The following KLHL1 variants were observed in gnomAD, a reference collection of about 807,000 sequenced individuals.
The protein encoded by KLHL1 is kelch-like protein 1.
KLHL1 carries 47 observed loss-of-function variants against 77.7 expected under a neutral mutation model. The observed-to-expected ratio is 0.60, with a 90% confidence interval of 0.48 to 0.77. The LOEUF (loss-of-function observed/expected upper bound fraction) is 0.77. Among genes scored for constraint, KLHL1 ranks in the 30% least tolerant of loss-of-function variants. The probability of loss-of-function intolerance (pLI) is 0.00; values close to 1 mark genes in which losing one functional copy is unlikely to be tolerated. For missense variants in KLHL1, 925 were observed against 910.8 expected (o/e 1.02, Z -0.20); for synonymous variants, 360 against 325.2 (o/e 1.11, Z -1.15).
chr13:69,864,290 A>T (rs944637117), intron 5 of KLHL1, among the ~76,000 whole-genome samples: 3 of 151,912 alleles, frequency 2.0e-5, no homozygotes, highest in African/African-American at 7.2e-5. Context: ...AAATACATTA[A>T]ATTAAAATAT....
At chr13:69,866,484 G>T (rs1373109535) in intron 5 of KLHL1, among the ~76,000 whole-genome samples, 1 of 152,056 alleles carries the variant, frequency 6.6e-6, no homozygotes, top group South Asian at 2.1e-4. Flanking sequence ...AAATCATCTA[G>T]AACAGTGATT....
chr13:69,947,181 A>G (rs1278848700), intron 3 of KLHL1, among the ~76,000 whole-genome samples: 4 of 151,614 alleles, frequency 2.6e-5, no homozygotes, highest in African/African-American at 7.3e-5. Context: ...CTCTTCCTTT[A>G]AGCTCTTTCA....
At chr13:70,079,165 C>T (rs925623856) in intron 1 of KLHL1, among the ~76,000 whole-genome samples, 5 of 152,242 alleles carry the variant, frequency 3.3e-5, no homozygotes, top group East Asian at 3.9e-4. Flanking sequence ...AGACCTGGGC[C>T]AAGGTAGGTT....
intron 8 of KLHL1, among the ~76,000 whole-genome samples, chr13:69,721,737 G>T (rs904385390): frequency 1.3e-5 from 2 of 151,908 alleles, no homozygotes; most frequent in Non-Finnish European, 2.9e-5. Flanking sequence ...TTCTCATAAT[G>T]GCTGCCATAG....
intron 10 of KLHL1, among the ~76,000 whole-genome samples, chr13:69,706,839 T>C (rs1053632206): frequency 4.0e-5 from 6 of 151,760 alleles, no homozygotes; most frequent in African/African-American, 1.5e-4. Flanking sequence ...TAAGATGTTT[T>C]TCACTGTAAT....
chr13:69,859,295 C>A (rs1880045381), intron 5 of KLHL1, among the ~76,000 whole-genome samples: 1 of 148,244 alleles, frequency 6.7e-6, no homozygotes, highest in Non-Finnish European at 1.5e-5. Context: ...CCTTTGGAGA[C>A]TAAACTTTCT....
chr13:69,729,218 G>T (rs763932472), intron 8 of KLHL1, among the ~76,000 whole-genome samples: 9 of 152,074 alleles, frequency 5.9e-5, no homozygotes. Context: ...GTCTGGCTGT[G>T]CTGGCATATA....
chr13:69,718,560 C>T (rs1320655056), intron 9 of KLHL1, among the ~76,000 whole-genome samples: 1 of 151,980 alleles, frequency 6.6e-6, no homozygotes, highest in Non-Finnish European at 1.5e-5. Context: ...AACCAATTGA[C>T]CTAAATATTC....
intron 5 of KLHL1, among the ~76,000 whole-genome samples, chr13:69,863,086 A>G (rs781498644): frequency 3.9e-4 from 59 of 152,114 alleles, no homozygotes; most frequent in Non-Finnish European, 5.7e-4. Context: ...AAATGTTTTT[A>G]TTCCACTCTA....
intron 1 of KLHL1, among the ~76,000 whole-genome samples, chr13:70,056,466 A>G (rs1163988404): frequency 6.6e-6 from 1 of 152,158 alleles, no homozygotes; most frequent in Non-Finnish European, 1.5e-5. Flanking sequence ...ATCAAACTTA[A>G]TCTGCATTAT....
chr13:69,770,702 C>T (rs1370530337), intron 7 of KLHL1, among the ~76,000 whole-genome samples: 1 of 152,036 alleles, frequency 6.6e-6, no homozygotes, highest in Non-Finnish European at 1.5e-5. Context: ...TAATAAATAT[C>T]TCTGCTCTAC....
intron 4 of KLHL1, among the ~76,000 whole-genome samples, chr13:69,900,884 C>A (rs1032331587): frequency 6.6e-6 from 1 of 152,124 alleles, no homozygotes; most frequent in Non-Finnish European, 1.5e-5. Context: ...CATCACCTTG[C>A]ATTTGGTTTC....
rs869169817 is a variant in KLHL1, at chr13:70,086,590, A to AAAAG, written c.497+20609_497+20612dup. Among the ~76,000 whole-genome samples, 43 of 85,784 alleles carry AAAAG rather than the reference A, an allele frequency of 5.0e-4. 1 individual carries two copies. The highest frequency in any genetic ancestry group is 1.9e-3 in the African/African-American group (39 of 20,902). 56.3% of individuals were successfully genotyped at this position (85,784 alleles called of 152,430 possible). A position where few individuals can be genotyped will look rare whatever the true frequency, so the allele number is the denominator to read the frequency against. On this transcript the variant is annotated intron_variant, in intron 1 of 10. Coordinates refer to ENST00000377844, the MANE Select transcript of KLHL1 (RefSeq NM_020866.3). ...TCTGTCTCAAAAAAAAAAAAAAAAAAAAAGAAAGAAAGAAAGAAAGAAAGA... is the reference window on the plus strand; with the variant it reads ...TCTGTCTCAAAAAAAAAAAAAAAAAAAAAGAAAGAAAGAAAGAAAGAAAGAAAGA...
chr13:69,703,578 G>T (rs1875496743), intron 10 of KLHL1, among the ~76,000 whole-genome samples: 1 of 151,448 alleles, frequency 6.6e-6, no homozygotes, highest in Non-Finnish European at 1.5e-5. Context: ...TAATGTCCAA[G>T]CCCCTCATTT....
At chr13:69,712,198 CT>C (rs1875907518) in intron 9 of KLHL1, among the ~76,000 whole-genome samples, 1 of 151,910 alleles carries the variant, frequency 6.6e-6, no homozygotes, top group African/African-American at 2.4e-5. Context: ...AGACATTTTA[CT>C]GTCATATTTT....
intron 3 of KLHL1, among the ~76,000 whole-genome samples, chr13:69,960,675 ATACAATTAATAC>A (rs71116967): frequency 0.62 from 94,402 of 151,524 alleles, 29,467 homozygotes; most frequent in South Asian, 0.65. Flanking sequence ...TTCTCTACAA[ATACAATTAATAC>A]TACAATTAAT....
chr13:69,815,568 A>T (rs1489108241), intron 6 of KLHL1, among the ~76,000 whole-genome samples: 2 of 152,156 alleles, frequency 1.3e-5, no homozygotes, highest in Non-Finnish European at 2.9e-5. Flanking sequence ...GGGAGGGAGG[A>T]AAGTGGGAAA....
At chr13:69,852,274 AG>A (rs780317233) in intron 5 of KLHL1, among the ~76,000 whole-genome samples, 10 of 151,912 alleles carry the variant, frequency 6.6e-5, no homozygotes, top group African/African-American at 1.2e-4. Context: ...GTCTGTAAAA[AG>A]CATCTGGAAC....
chr13:69,811,757 A>C (rs1301599733), intron 6 of KLHL1, among the ~76,000 whole-genome samples: 2 of 152,174 alleles, frequency 1.3e-5, no homozygotes, highest in Non-Finnish European at 2.9e-5. Flanking sequence ...CCCTAGACTT[A>C]TCATTTTTTA....
Sources: gnomAD v4.1 joint callset for allele counts (sites outside exome capture counted in the v4.1 genomes callset) on GRCh38, gnomAD v4.1.1 for gene constraint, MANE v1.5 for transcripts, NCBI Gene and HGNC (gene_info 2026-07-23, HGNC 2026-07-21) for gene names.